RAPGEF2: variants seen among roughly 807,000 people sequenced by gnomAD.
The protein encoded by RAPGEF2 is Rap guanine nucleotide exchange factor 2, also known as PDZ domain containing guanine nucleotide exchange factor (GEF) 1.
In RAPGEF2, 54 loss-of-function variants were observed where a neutral mutation model predicts 186.7. That is an observed-to-expected ratio of 0.29 (90% CI 0.23 to 0.36). The LOEUF is 0.36. RAPGEF2 is among the 10% of genes least tolerant of loss of function. The pLI, the probability that RAPGEF2 is intolerant of heterozygous loss-of-function variation, is 1.00. For missense variants in RAPGEF2, 1,532 were observed against 2,045.0 expected (o/e 0.75, Z 4.84); for synonymous variants, 712 against 705.9 (o/e 1.01, Z -0.14).
chr4:159,189,864 T>C (rs2111304669), intron 2 of RAPGEF2, among the ~76,000 whole-genome samples: 1 of 152,370 alleles, frequency 6.6e-6, no homozygotes, highest in South Asian at 2.1e-4. Flanking sequence ...ACTGTGTACT[T>C]GATATTGATG....
rs1766721455 is a variant in RAPGEF2, at chr4:159,331,849, A to G, written c.1779+16A>G. On this transcript the variant is annotated intron_variant, in intron 15 of 29. Coordinates refer to ENST00000691494, the MANE Select transcript of RAPGEF2 (RefSeq NM_001394067.2). Reference sequence around the variant, plus strand: ...GGGGGATCAGGTATGCCATTTCTAAACTCATTTAAGGGTGAATTTTGGTGT... The same window carrying G: ...GGGGGATCAGGTATGCCATTTCTAAGCTCATTTAAGGGTGAATTTTGGTGT... The G allele has an allele frequency of 1.9e-6, 3 of 1,612,904 alleles. No individual in the cohort carries two copies. The highest frequency in any genetic ancestry group is 2.5e-6 in the Non-Finnish European group (3 of 1,179,678).
chr4:159,278,104 C>T (rs902812923), intron 7 of RAPGEF2, among the ~76,000 whole-genome samples: 4 of 152,176 alleles, frequency 2.6e-5, no homozygotes, highest in African/African-American at 9.7e-5. Flanking sequence ...TTTAATCCAT[C>T]TCCAATTAAT....
At chr4:159,130,482 G>GC (rs997191408) in intron 1 of RAPGEF2, among the ~76,000 whole-genome samples, 5 of 152,038 alleles carry the variant, frequency 3.3e-5, no homozygotes, top group South Asian at 2.1e-4. Flanking sequence ...TCCCACCTCA[G>GC]CCCCCCAAGT....
intron 1 of RAPGEF2, among the ~76,000 whole-genome samples, chr4:159,163,778 A>C (rs933076299): frequency 2.0e-5 from 3 of 151,574 alleles, no homozygotes; most frequent in Non-Finnish European, 4.4e-5. Flanking sequence ...AAAAAATGCC[A>C]AGAAGGGGTT....
intron 7 of RAPGEF2, among the ~76,000 whole-genome samples, chr4:159,301,290 A>C (rs1242510596): frequency 1.3e-5 from 2 of 152,080 alleles, no homozygotes; most frequent in Non-Finnish European, 2.9e-5. Context: ...AATCGCTTAA[A>C]TCCGGAAGGG....
chr4:159,236,677 T>A, intron 4 of RAPGEF2, among the ~76,000 whole-genome samples: 1 of 152,220 alleles, frequency 6.6e-6, no homozygotes. Context: ...TACTAACACA[T>A]TGAGATTATT....
At chr4:159,169,184 C>CT (rs1745640733) in intron 1 of RAPGEF2, among the ~76,000 whole-genome samples, 1 of 152,014 alleles carries the variant, frequency 6.6e-6, no homozygotes, top group African/African-American at 2.4e-5. Context: ...TGGAACCCCC[C>CT]TCAACTCCCA....
intron 1 of RAPGEF2, among the ~76,000 whole-genome samples, chr4:159,142,668 A>C (rs536960491): frequency 5.3e-4 from 81 of 152,316 alleles, no homozygotes; most frequent in African/African-American, 1.9e-3. Context: ...AATTCTAAAA[A>C]AGCCTTTAAA....
intron 7 of RAPGEF2, among the ~76,000 whole-genome samples, chr4:159,258,792 T>A (rs568482408): frequency 5.9e-5 from 9 of 152,206 alleles, no homozygotes; most frequent in Non-Finnish European, 1.2e-4. Context: ...GGATCAAACT[T>A]GCAAAATTAG....
chr4:159,345,382 T>A, intron 24 of RAPGEF2, 53 bp downstream of exon 24: 1 of 1,544,198 alleles, frequency 6.5e-7, no homozygotes, highest in Non-Finnish European at 8.9e-7. Flanking sequence ...CAGATTTGTT[T>A]CCTGTGCAGT....
At chr4:159,295,757 G>A (rs1289698843) in intron 7 of RAPGEF2, among the ~76,000 whole-genome samples, 1 of 89,410 alleles carries the variant, frequency 1.1e-5, no homozygotes, top group East Asian at 2.6e-4. Flanking sequence ...GTGTGTGTGC[G>A]CGCGCGCGCG....
chr4:159,350,446 A>G (rs971005806), intron 26 of RAPGEF2, among the ~76,000 whole-genome samples, 157 bp downstream of exon 26: 1 of 152,086 alleles, frequency 6.6e-6, no homozygotes, highest in Admixed American at 6.5e-5. Context: ...TCAGTTTATA[A>G]ATTTGGAAGA....
At chr4:159,339,387 TC>T in intron 19 of RAPGEF2, 33 bp downstream of exon 19, 1 of 1,590,906 alleles carries the variant, frequency 6.3e-7, no homozygotes, top group Non-Finnish European at 8.6e-7. Context: ...GATTTCTTTG[TC>T]CCCTCTTCGA....
In RAPGEF2 at chr4:159,230,631, A is replaced by G. The variant is rs577057875; in HGVS notation, c.282-8178A>G. Among the ~76,000 whole-genome samples the G allele has an allele frequency of 2.0e-5, 3 of 152,302 alleles. No homozygotes were observed. In the East Asian group the frequency reaches 5.8e-4, roughly 29 times the overall value. ...TTTGGTCTTTATAGGTTTGACATTC[A>G]GATCTTTGCGGGGGTAACCCTAAAG... On this transcript the variant is annotated intron_variant, in intron 4 of 29. Transcript: ENST00000691494.
At chr4:159,199,551 T>TA (rs896830515) in intron 3 of RAPGEF2, among the ~76,000 whole-genome samples, 7 of 152,180 alleles carry the variant, frequency 4.6e-5, no homozygotes, top group Admixed American at 3.9e-4. Flanking sequence ...TCTCACTTCC[T>TA]AATAAAATGG....
chr4:159,185,310 C>A (rs1036334431), intron 1 of RAPGEF2, among the ~76,000 whole-genome samples: 4 of 152,144 alleles, frequency 2.6e-5, no homozygotes, highest in Non-Finnish European at 4.4e-5. Flanking sequence ...AGCAGCTTCA[C>A]TTCTAGGTGT....
chr4:159,198,849 G>A (rs1465836011), intron 3 of RAPGEF2, among the ~76,000 whole-genome samples: 1 of 151,892 alleles, frequency 6.6e-6, no homozygotes, highest in Admixed American at 6.6e-5. Flanking sequence ...GTGGCTCGAG[G>A]TGGGCGGATC....
At position 159,147,073 on chromosome 4, in the gene RAPGEF2, C is replaced by T. The variant is rs114697904; in HGVS notation, c.70-39569C>T. On this transcript the variant is annotated intron_variant, in intron 1 of 29. Coordinates refer to ENST00000691494, the MANE Select transcript of RAPGEF2 (RefSeq NM_001394067.2). ...CTGGCCTCCCAAAGTTCTGGGATTA[C>T]AGGCATGGGCCACAGCACCAGGCCT... Among the ~76,000 whole-genome samples the T allele has an allele frequency of 9.8e-3, 1,496 of 152,334 alleles. 31 individuals carry two copies. The highest frequency in any genetic ancestry group is 0.033 in the African/African-American group (1,388 of 41,580).
rs149037335 is a variant in RAPGEF2, at chr4:159,293,719, A to G, written c.544-10623A>G. ...CTTTCTTTTAAGTCTCCTTTTCATA[A>G]ATCTGATGGTGTTCTTGATCAATGG... is the stretch of plus-strand genomic sequence containing the variant. On this transcript the variant is annotated intron_variant, in intron 7 of 29. Transcript: ENST00000691494. Among the ~76,000 whole-genome samples, 48 of 152,290 alleles carry G rather than the reference A, an allele frequency of 3.2e-4. No individual in the cohort carries two copies. In the East Asian group the frequency reaches 8.7e-3, roughly 27 times the overall value.
Sources: allele counts gnomAD v4.1 joint callset (sites outside exome capture counted in the v4.1 genomes callset), GRCh38; gene constraint gnomAD v4.1.1; transcripts MANE v1.5; gene names NCBI Gene and HGNC (gene_info 2026-07-23, HGNC 2026-07-21).